The following ECT2L variants were observed in gnomAD, a reference collection of about 807,000 sequenced individuals.
The protein encoded by ECT2L is epithelial cell-transforming sequence 2 oncogene-like.
ECT2L carries 126 observed loss-of-function variants against 122.8 expected under a neutral mutation model. The observed-to-expected ratio is 1.03, with a 90% CI of 0.89 to 1.19. ECT2L has a LOEUF of 1.19. Ranked by LOEUF, ECT2L falls within the 50% of genes most tolerant of loss-of-function variation. ECT2L has a pLI of 0.00. For missense variants in ECT2L, 1,012 were observed against 1,064.1 expected, an observed-to-expected ratio of 0.95 and a Z score of 0.68; for synonymous variants, 385 against 381.8, an observed-to-expected ratio of 1.01 and a Z score of -0.10.
In ECT2L at chr6:138,807,149, T is replaced by A. The variant is rs73574629; in HGVS notation, c.-243-5689T>A. On this transcript the variant is annotated intron_variant, in intron 1 of 21. Coordinates refer to ENST00000541398, the MANE Select transcript of ECT2L (RefSeq NM_001077706.3). ...TTTTTAACTCCACTAATGGTTGTAT[T>A]TTTTTGTGGAGACAGGGTTTTGCCA... Among the ~76,000 whole-genome samples, 361 of 151,906 alleles carry A rather than the reference T, an allele frequency of 2.4e-3. 4 individuals carry two copies. The highest frequency in any genetic ancestry group is 8.3e-3 in the African/African-American group (343 of 41,428).
At chr6:138,875,616 A>G (rs929514824) in intron 13 of ECT2L, among the ~76,000 whole-genome samples, 1 of 152,260 alleles carries the variant, frequency 6.6e-6, no homozygotes, top group Non-Finnish European at 1.5e-5. Context: ...GAGAGAGGCC[A>G]CAGCAAGAAT....
intron 4 of ECT2L, among the ~76,000 whole-genome samples, chr6:138,836,232 A>G (rs907374081): frequency 4.6e-5 from 7 of 151,296 alleles, no homozygotes; most frequent in African/African-American, 1.5e-4. Flanking sequence ...AAACTATTCT[A>G]TGTAAATATC....
chr6:138,802,887 C>T (rs1775590581), intron 1 of ECT2L, among the ~76,000 whole-genome samples: 1 of 151,872 alleles, frequency 6.6e-6, no homozygotes, highest in Non-Finnish European at 1.5e-5. Flanking sequence ...GACAGCCTGG[C>T]CAACATGGTG....
chr6:138,849,384 G>C lies in ECT2L; in HGVS notation c.1019G>C (p.Ser340Thr), dbSNP rs761341159. Residue 340 changes from serine to threonine, a missense_variant, in exon 9 of 22, where the codon AGC becomes ACC. Coordinates refer to ENST00000541398, the MANE Select transcript of ECT2L (RefSeq NM_001077706.3). ...GCTCTGGATGGGCAGAAGGCACAGAGCATCGGAATATTTAGCGATGGAGAC... is the reference window on the plus strand; with the variant it reads ...GCTCTGGATGGGCAGAAGGCACAGACCATCGGAATATTTAGCGATGGAGAC... ...EKALDGQKAQSIGIFSDGDSR... is the reference protein window; with the variant it reads ...EKALDGQKAQTIGIFSDGDSR... 1 of 1,613,976 alleles carries C rather than the reference G, an allele frequency of 6.2e-7. No individual in the cohort carries two copies. The highest frequency in any genetic ancestry group is 1.7e-5 in the Admixed American group (1 of 59,990).
intron 13 of ECT2L, among the ~76,000 whole-genome samples, chr6:138,871,786 T>C (rs1005448935): frequency 1.3e-5 from 2 of 151,602 alleles, no homozygotes; most frequent in East Asian, 3.9e-4. Flanking sequence ...GCCTGGGCCA[T>C]AGAGTGAGAC....
intron 1 of ECT2L, among the ~76,000 whole-genome samples, chr6:138,803,959 CTCT>C (rs1020648803): frequency 2.6e-5 from 4 of 152,254 alleles, no homozygotes; most frequent in Admixed American, 6.5e-5. Context: ...GTTGTACTCT[CTCT>C]TCTTGGAATT....
chr6:138,820,635 G>A (rs1410334819), intron 4 of ECT2L, among the ~76,000 whole-genome samples: 1 of 152,026 alleles, frequency 6.6e-6, no homozygotes, highest in Non-Finnish European at 1.5e-5. Flanking sequence ...AATTTTATCT[G>A]AGAAACAGGA....
chr6:138,835,308 G>A (rs988782269), intron 4 of ECT2L, among the ~76,000 whole-genome samples: 4 of 152,096 alleles, frequency 2.6e-5, no homozygotes, highest in African/African-American at 9.7e-5. Flanking sequence ...CAGCACTTTG[G>A]GAGGCCAAGG....
At chr6:138,896,483 T>C (rs560847697) in intron 20 of ECT2L, among the ~76,000 whole-genome samples, 1 of 152,314 alleles carries the variant, frequency 6.6e-6, no homozygotes, top group African/African-American at 2.4e-5. Flanking sequence ...AGAGAAAATG[T>C]ACCCAGGCTT....
chr6:138,800,073 TGAG>T lies in ECT2L; in HGVS notation c.-244+3885_-244+3887del, dbSNP rs10535936. On this transcript the variant is annotated intron_variant, in intron 1 of 21. Coordinates refer to ENST00000541398, the MANE Select transcript of ECT2L (RefSeq NM_001077706.3). ...CATGTTTGTTGGATCCAGTTGCAAA[TGAG>T]GAGAGACACAGATTGGGGTCTTCTA... Among the ~76,000 whole-genome samples the T allele has an allele frequency of 1.9e-3, 284 of 152,284 alleles. 1 individual carries two copies. The highest frequency in any genetic ancestry group is 0.014 in the Admixed American group (214 of 15,296).
chr6:138,880,489 C>T (rs781030273), intron 14 of ECT2L, among the ~76,000 whole-genome samples: 1 of 152,160 alleles, frequency 6.6e-6, no homozygotes, highest in Non-Finnish European at 1.5e-5. Flanking sequence ...TAGCAGAGGG[C>T]TAGCTCATTT....
chr6:138,812,428 C>A (rs1435082175), intron 1 of ECT2L, among the ~76,000 whole-genome samples: 9 of 152,152 alleles, frequency 5.9e-5, no homozygotes, highest in Non-Finnish European at 1.3e-4. Flanking sequence ...AATACATTAG[C>A]CTATTTTATT....
At chr6:138,897,557 G>A (rs527901649) in intron 20 of ECT2L, among the ~76,000 whole-genome samples, 1 of 152,068 alleles carries the variant, frequency 6.6e-6, no homozygotes. Flanking sequence ...CCGTATTTAC[G>A]GTTAAACTTT....
chr6:138,822,292 G>T (rs1264932681), intron 4 of ECT2L, among the ~76,000 whole-genome samples: 1 of 152,184 alleles, frequency 6.6e-6, no homozygotes, highest in Non-Finnish European at 1.5e-5. Context: ...TGGCTCACGC[G>T]CCTGTAAGCT....
intron 8 of ECT2L, among the ~76,000 whole-genome samples, chr6:138,848,401 TATTTTA>T: frequency 6.6e-6 from 1 of 152,270 alleles, no homozygotes; most frequent in East Asian, 1.9e-4. Context: ...TGAAGTTATA[TATTTTA>T]ATTTTAATAT....
At chr6:138,886,779 A>G in intron 18 of ECT2L, 78 bp from the exon 19 acceptor site, 1 of 1,052,462 alleles carries the variant, frequency 9.5e-7, no homozygotes, top group Non-Finnish European at 1.4e-6. Flanking sequence ...CAAGCGCCAT[A>G]AAATATTTTA....
chr6:138,805,373 G>A (rs1775680708), intron 1 of ECT2L, among the ~76,000 whole-genome samples: 1 of 152,194 alleles, frequency 6.6e-6, no homozygotes, highest in Admixed American at 6.5e-5. Flanking sequence ...GTTTTTCAAA[G>A]TACATATACC....
At chr6:138,897,430 G>A (rs1474744373) in intron 20 of ECT2L, among the ~76,000 whole-genome samples, 1 of 152,162 alleles carries the variant, frequency 6.6e-6, no homozygotes. Flanking sequence ...GAGAGAATAT[G>A]CAGATTATAT....
rs544584441 is a variant in ECT2L at position 138,834,894 on chromosome 6, T to TACACACACACAC, written c.180-3427_180-3416dup. ...CCCGGCTCCATTCTTTGCCCCCGTT[T>TACACACACACAC]ACACACACACACACACACACACACA... On this transcript the variant is annotated intron_variant, in intron 4 of 21. Transcript: ENST00000541398. 4.6e-4 allele frequency among the ~76,000 whole-genome samples: 63 copies of TACACACACACAC among 137,418 alleles called. 1 individual carries two copies. Among genetic ancestry groups the TACACACACACAC allele is most frequent in the East Asian group, 1.5e-3 (7 of 4,536 alleles). 90.2% of individuals were successfully genotyped at this position (137,418 alleles called of 152,430 possible). A position where few individuals can be genotyped will look rare whatever the true frequency, so the allele number is the denominator to read the frequency against.
Sources: allele counts gnomAD v4.1 joint callset (sites outside exome capture counted in the v4.1 genomes callset), GRCh38; gene constraint gnomAD v4.1.1; transcripts MANE v1.5; gene names NCBI Gene and HGNC (gene_info 2026-07-23, HGNC 2026-07-21).